Variants in NNT observed in about 807,000 individuals in gnomAD.
NNT encodes nicotinamide nucleotide transhydrogenase.
In NNT, 50 loss-of-function variants were observed where a neutral mutation model predicts 104.8. The ratio of observed to expected loss-of-function variants is 0.48; its 90% CI spans 0.38 to 0.60. The LOEUF is 0.60. Among genes scored for constraint, NNT ranks in the 20% least tolerant of loss-of-function variants. The pLI is 0.00. For synonymous variants in NNT, 461 were observed against 490.4 expected (o/e 0.94, Z 0.79); for missense variants, 1,131 against 1,330.7 (o/e 0.85, Z 2.33).
At chr5:43,621,408 T>A (rs145733460) in intron 5 of NNT, among the ~76,000 whole-genome samples, 2 of 152,284 alleles carry the variant, frequency 1.3e-5, no homozygotes, top group East Asian at 3.9e-4. Flanking sequence ...TGAAGGCTTA[T>A]GATATGCGAG....
intron 17 of NNT, among the ~76,000 whole-genome samples, chr5:43,665,727 C>T: frequency 7.9e-6 from 1 of 127,252 alleles, no homozygotes; most frequent in South Asian, 2.5e-4. Flanking sequence ...ATGGCCCGTT[C>T]TCAAGGAGCT....
chr5:43,694,144 T>C (rs1273471777), intron 19 of NNT, among the ~76,000 whole-genome samples: 2 of 152,266 alleles, frequency 1.3e-5, no homozygotes, highest in Non-Finnish European at 2.9e-5. Context: ...CCTAAAACTT[T>C]GCTGAAGTTG....
chr5:43,695,125 ATT>A (rs1418682095), intron 19 of NNT, among the ~76,000 whole-genome samples: 2 of 152,100 alleles, frequency 1.3e-5, no homozygotes, highest in Non-Finnish European at 1.5e-5. Flanking sequence ...CATTTGATGT[ATT>A]TTTCCTCCAA....
intron 19 of NNT, among the ~76,000 whole-genome samples, chr5:43,693,125 C>T (rs1441891170): frequency 1.3e-5 from 2 of 151,864 alleles, no homozygotes; most frequent in Non-Finnish European, 2.9e-5. Context: ...GCTATCTCCA[C>T]CGTAGAAGAC....
At chr5:43,652,957 A>T in intron 13 of NNT, 61 bp from the exon 14 acceptor site, 1 of 1,314,058 alleles carries the variant, frequency 7.6e-7, no homozygotes, top group Admixed American at 2.2e-5. Context: ...AATATATTGA[A>T]ATCTCTAAGC....
chr5:43,694,957 C>T (rs986755618), intron 19 of NNT, among the ~76,000 whole-genome samples: 1 of 152,088 alleles, frequency 6.6e-6, no homozygotes, highest in African/African-American at 2.4e-5. Flanking sequence ...GGTTGGTAGA[C>T]TATTTATTAC....
chr5:43,667,819 T>C (rs1740796345), intron 17 of NNT, among the ~76,000 whole-genome samples: 1 of 152,236 alleles, frequency 6.6e-6, no homozygotes, highest in Admixed American at 6.5e-5. Context: ...GTATTTCTAG[T>C]TCTAGATCCT....
intron 7 of NNT, among the ~76,000 whole-genome samples, chr5:43,636,667 G>A (rs770946094): frequency 6.6e-6 from 1 of 151,972 alleles, no homozygotes; most frequent in Non-Finnish European, 1.5e-5. Context: ...TACATATGTT[G>A]GAGAGAATTC....
intron 6 of NNT, among the ~76,000 whole-genome samples, chr5:43,627,925 A>G (rs1332058559): frequency 6.6e-6 from 1 of 152,178 alleles, no homozygotes; most frequent in Non-Finnish European, 1.5e-5. Context: ...AACATAATTG[A>G]TTACTGGAGT....
intron 10 of NNT, 79 bp downstream of exon 10, chr5:43,645,589 G>C: frequency 1.3e-6 from 1 of 797,314 alleles, no homozygotes; most frequent in Non-Finnish European, 1.7e-6. Context: ...ATAGATATAT[G>C]TGTAGCTATA....
intron 19 of NNT, among the ~76,000 whole-genome samples, chr5:43,685,009 C>T (rs1741909730): frequency 1.3e-5 from 2 of 152,146 alleles, no homozygotes; most frequent in African/African-American, 4.8e-5. Flanking sequence ...TTTATTGTAT[C>T]CACAGTGGAA....
chr5:43,666,839 G>A, intron 17 of NNT: 4 of 1,412,462 alleles, frequency 2.8e-6, no homozygotes, highest in Non-Finnish European at 3.9e-6. Flanking sequence ...GCTGCAGCCT[G>A]GGCCTTGGTT....
intron 19 of NNT, among the ~76,000 whole-genome samples, chr5:43,699,514 C>T (rs558200395): frequency 1.4e-4 from 22 of 151,948 alleles, no homozygotes; most frequent in South Asian, 6.2e-4. Context: ...CCATCATGCC[C>T]GGCTAATTTT....
At chr5:43,659,121 T>A in intron 16 of NNT, 50 bp from the exon 17 acceptor site, 1 of 1,486,492 alleles carries the variant, frequency 6.7e-7, no homozygotes, top group Non-Finnish European at 9.0e-7. Flanking sequence ...ATGTCAGAGG[T>A]TTTATTTTTA....
Position 43,609,177 on chromosome 5 carries a change from A to G in NNT, c.-19A>G. 2.5e-6 allele frequency: 4 copies of G among 1,597,520 alleles called. No homozygotes were observed. Among genetic ancestry groups the G allele is most frequent in the Non-Finnish European group, 3.4e-6 (4 of 1,170,984 alleles). On this transcript the variant is annotated 5_prime_UTR_variant, in exon 2 of 22. Coordinates refer to ENST00000344920, the MANE Select transcript of NNT (RefSeq NM_182977.3). ...TTCAAGGAAACTGGGGAGTCAGAAA[A>G]TTGGGAACTCATATCAACATGGCAA... is the stretch of plus-strand genomic sequence containing the variant.
intron 18 of NNT, among the ~76,000 whole-genome samples, chr5:43,676,709 C>T (rs1741433579): frequency 6.6e-6 from 1 of 152,134 alleles, no homozygotes; most frequent in Non-Finnish European, 1.5e-5. Context: ...AATCTATTTC[C>T]TCTAGGCACT....
rs901830628 is a variant in NNT, at chr5:43,705,433, C to CT, written c.*1036dup. 28 of 151,942 alleles carry CT rather than the reference C, an allele frequency of 1.8e-4. No individual in the cohort carries two copies. The highest frequency in any genetic ancestry group is 3.4e-3 in the Middle Eastern group (1 of 294). 9.4% of individuals were successfully genotyped at this position (151,942 alleles called of 1,614,324 possible). A position where few individuals can be genotyped will look rare whatever the true frequency, so the allele number is the denominator to read the frequency against. ...TGATGACATTTGAGAGAAATGGTGG[C>CT]TTTTTTTAGCTACCTCTTTGTTCAT... On this transcript the variant is annotated 3_prime_UTR_variant, in exon 22 of 22. Coordinates refer to ENST00000344920, the MANE Select transcript of NNT (RefSeq NM_182977.3).
chr5:43,602,912 G>C (rs941274788), upstream of NNT: 3 of 152,788 alleles, frequency 2.0e-5, no homozygotes, highest in African/African-American at 4.8e-5. Flanking sequence ...AAGGACTGGC[G>C]GAGGGAAAGC....
chr5:43,697,413 G>C (rs1742615039), intron 19 of NNT, among the ~76,000 whole-genome samples: 1 of 152,178 alleles, frequency 6.6e-6, no homozygotes, highest in Non-Finnish European at 1.5e-5. Flanking sequence ...TGTTCAACAA[G>C]TCTCTAGGGA....
Sources: allele counts gnomAD v4.1 joint callset (sites outside exome capture counted in the v4.1 genomes callset), GRCh38; gene constraint gnomAD v4.1.1; transcripts MANE v1.5; gene names NCBI Gene and HGNC (gene_info 2026-07-23, HGNC 2026-07-21).